The following MAGI2 variants were observed in gnomAD, a reference collection of about 807,000 sequenced individuals.
The protein encoded by MAGI2 is membrane-associated guanylate kinase, WW and PDZ domain-containing protein 2.
MAGI2 carries 35 observed loss-of-function variants against 133.3 expected under a neutral mutation model. The observed-to-expected ratio is 0.26, with a 90% CI of 0.20 to 0.35. The LOEUF (loss-of-function observed/expected upper bound fraction) is 0.35. Ranked by LOEUF, MAGI2 falls within the 10% of genes least tolerant of loss-of-function variation. The pLI, the probability that MAGI2 is intolerant of heterozygous loss-of-function variation, is 1.00. For missense variants in MAGI2, 1,636 were observed against 1,863.4 expected, an observed-to-expected ratio of 0.88 and a Z score of 2.25; for synonymous variants, 729 against 710.6, an observed-to-expected ratio of 1.03 and a Z score of -0.41.
At chr7:78,693,686 A>T (rs1030316817) in intron 2 of MAGI2, among the ~76,000 whole-genome samples, 5 of 152,174 alleles carry the variant, frequency 3.3e-5, no homozygotes, top group Admixed American at 2.0e-4. Flanking sequence ...CCAAATAATG[A>T]GCCAGGATGC....
chr7:78,576,403 GTCTC>G (rs1802269523), intron 3 of MAGI2, among the ~76,000 whole-genome samples: 1 of 152,146 alleles, frequency 6.6e-6, no homozygotes. Flanking sequence ...CAGAAGCAAG[GTCTC>G]TCTGATTGCC....
intron 14 of MAGI2, 76 bp downstream of exon 14, chr7:78,177,935 C>T: frequency 1.9e-6 from 2 of 1,036,428 alleles, no homozygotes; most frequent in Admixed American, 1.8e-5. Flanking sequence ...TTAGATATCA[C>T]ACTAAACACT....
intron 1 of MAGI2, among the ~76,000 whole-genome samples, chr7:79,396,073 C>T (rs1339553702): frequency 1.3e-5 from 2 of 152,026 alleles, no homozygotes; most frequent in Non-Finnish European, 2.9e-5. Context: ...GCTATGTTAT[C>T]CCATCATTTA....
At chr7:79,104,099 G>A (rs1305165516) in intron 1 of MAGI2, among the ~76,000 whole-genome samples, 1 of 152,138 alleles carries the variant, frequency 6.6e-6, no homozygotes, top group Non-Finnish European at 1.5e-5. Context: ...GTGTATGTGT[G>A]TTATAAGTGA....
chr7:78,704,025 C>A (rs182705882), intron 2 of MAGI2, among the ~76,000 whole-genome samples: 2 of 151,906 alleles, frequency 1.3e-5, no homozygotes, highest in Admixed American at 1.3e-4. Context: ...AAAGATTTCA[C>A]GACAAAGATG....
At chr7:78,843,425 G>C (rs985844746) in intron 2 of MAGI2, among the ~76,000 whole-genome samples, 1 of 151,762 alleles carries the variant, frequency 6.6e-6, no homozygotes, top group Admixed American at 6.6e-5. Context: ...CTGGTTGTCT[G>C]TCTTGATAAC....
intron 7 of MAGI2, among the ~76,000 whole-genome samples, chr7:78,348,959 A>G (rs1026610954): frequency 6.6e-6 from 1 of 152,202 alleles, no homozygotes; most frequent in Admixed American, 6.5e-5. Context: ...AGAGTATTTA[A>G]GATGCACCGA....
intron 1 of MAGI2, chr7:79,410,018 C>G (rs1846044503): frequency 6.6e-6 from 1 of 151,832 alleles, no homozygotes. Flanking sequence ...AAAGGAAGTA[C>G]AAATAAATAG....
intron 1 of MAGI2, among the ~76,000 whole-genome samples, chr7:79,166,684 A>T (rs1017527188): frequency 6.6e-6 from 1 of 152,164 alleles, no homozygotes; most frequent in Non-Finnish European, 1.5e-5. Context: ...GGGGGGAAAA[A>T]TCCTTATCTT....
intron 6 of MAGI2, among the ~76,000 whole-genome samples, chr7:78,467,246 AT>A (rs1790727107): frequency 6.6e-6 from 1 of 152,040 alleles, no homozygotes; most frequent in Non-Finnish European, 1.5e-5. Context: ...AACTAACTTA[AT>A]CCTCAAAATA....
At chr7:78,297,477 G>A (rs1468957892) in intron 9 of MAGI2, among the ~76,000 whole-genome samples, 9 of 151,476 alleles carry the variant, frequency 5.9e-5, no homozygotes, top group African/African-American at 1.9e-4. Flanking sequence ...TCCCATTACT[G>A]GGTATATACC....
intron 6 of MAGI2, among the ~76,000 whole-genome samples, chr7:78,488,617 G>T (rs1793296728): frequency 6.6e-6 from 1 of 151,988 alleles, no homozygotes; most frequent in African/African-American, 2.4e-5. Flanking sequence ...AATTTTATGG[G>T]ATTCAACTGC....
rs533193232 is a variant in MAGI2, at chr7:79,098,342, A to G, written c.302-91136T>C. On this transcript the variant is annotated intron_variant, in intron 1 of 21. Transcript: ENST00000354212. ...TCACATGGGAGATAATTGTATTTAC[A>G]ATACTGTTATTTTACATTTCCTGTC... 1.4e-4 allele frequency among the ~76,000 whole-genome samples: 21 copies of G among 152,310 alleles called. No individual in the cohort carries two copies. In the East Asian group the frequency reaches 4.1e-3, roughly 29 times the overall value.
intron 2 of MAGI2, among the ~76,000 whole-genome samples, chr7:78,947,955 A>G (rs1176780876): frequency 6.6e-6 from 1 of 152,130 alleles, no homozygotes; most frequent in Non-Finnish European, 1.5e-5. Context: ...TCTTTTCTGA[A>G]TAGGAACCCT....
chr7:78,502,848 C>T (rs909502743), intron 4 of MAGI2, among the ~76,000 whole-genome samples: 19 of 152,092 alleles, frequency 1.2e-4, no homozygotes, highest in East Asian at 9.7e-4. Flanking sequence ...GAAGAAGGAA[C>T]GCACAAGGAA....
At chr7:78,111,504 G>T (rs1819356036) in intron 20 of MAGI2, among the ~76,000 whole-genome samples, 1 of 152,206 alleles carries the variant, frequency 6.6e-6, no homozygotes, top group African/African-American at 2.4e-5. Flanking sequence ...ACAGAGCAAA[G>T]AAATGGAGTC....
At chr7:78,529,328 T>C (rs1797238575) in intron 3 of MAGI2, among the ~76,000 whole-genome samples, 1 of 151,886 alleles carries the variant, frequency 6.6e-6, no homozygotes, top group Non-Finnish European at 1.5e-5. Context: ...GTAAAGGAAA[T>C]TGGACACTCT....
intron 6 of MAGI2, among the ~76,000 whole-genome samples, chr7:78,464,313 A>G (rs1790390139): frequency 6.6e-6 from 1 of 152,146 alleles, no homozygotes; most frequent in African/African-American, 2.4e-5. Flanking sequence ...ATTTACTAAT[A>G]ACATCTTTGT....
intron 3 of MAGI2, among the ~76,000 whole-genome samples, chr7:78,585,647 G>A (rs867129405): frequency 3.9e-5 from 6 of 152,188 alleles, no homozygotes; most frequent in Non-Finnish European, 8.8e-5. Context: ...AACAGCAAAG[G>A]CAATGGCAGT....
Sources: gnomAD v4.1 joint callset for allele counts (sites outside exome capture counted in the v4.1 genomes callset) on GRCh38, gnomAD v4.1.1 for gene constraint, MANE v1.5 for transcripts, NCBI Gene and HGNC (gene_info 2026-07-23, HGNC 2026-07-21) for gene names.